Variants in ARL15 observed in about 807,000 individuals in gnomAD.
ARL15 encodes ARF like GTPase 15, also known as ADP-ribosylation factor-like protein 15.
A neutral mutation model predicts 25.2 loss-of-function variants in ARL15; 19 were observed. That is an observed-to-expected ratio of 0.75 (90% CI 0.53 to 1.10). The LOEUF is 1.10. ARL15 is among the 50% of genes least tolerant of loss of function. The pLI, the probability that ARL15 is intolerant of heterozygous loss-of-function variation, is 0.00. For synonymous variants in ARL15, 94 were observed against 86.8 expected, an observed-to-expected ratio of 1.08 and a Z score of -0.46; for missense variants, 220 against 246.0, an observed-to-expected ratio of 0.89 and a Z score of 0.71.
rs543691648 is a variant in ARL15 at position 54,224,692 on chromosome 5, G to A, written c.49-52764C>T. ...CCACCCCTTGAGAGTGGGAGTGGTGGGAAGGGAAGGGAGAGAATATTCATT... is the reference window on the plus strand; with the variant it reads ...CCACCCCTTGAGAGTGGGAGTGGTGAGAAGGGAAGGGAGAGAATATTCATT... On this transcript the variant is annotated intron_variant, in intron 1 of 4. Transcript: ENST00000504924. Among the ~76,000 whole-genome samples the A allele has an allele frequency of 5.3e-5, 8 of 152,218 alleles. No individual in the cohort carries two copies. The East Asian group carries it at 1.5e-3, about 29-fold the overall frequency.
intron 4 of ARL15, among the ~76,000 whole-genome samples, chr5:54,033,851 T>C (rs1456845798): frequency 6.6e-6 from 1 of 152,182 alleles, no homozygotes; most frequent in Non-Finnish European, 1.5e-5. Flanking sequence ...TCTCGCTTTG[T>C]CGCCCAGGCT....
At chr5:54,281,202 C>T (rs1366910175) in intron 1 of ARL15, among the ~76,000 whole-genome samples, 1 of 151,998 alleles carries the variant, frequency 6.6e-6, no homozygotes, top group Non-Finnish European at 1.5e-5. Flanking sequence ...TGCAGTGGTA[C>T]GATCTCGGCT....
intron 4 of ARL15, among the ~76,000 whole-genome samples, chr5:53,925,048 C>T (rs1019766697): frequency 1.4e-5 from 2 of 141,610 alleles, no homozygotes; most frequent in African/African-American, 5.6e-5. Context: ...CTGTTTCCTC[C>T]CAAGCTTCAA....
chr5:54,025,257 T>C (rs138502793), intron 4 of ARL15, among the ~76,000 whole-genome samples: 143 of 138,460 alleles, frequency 1.0e-3, no homozygotes, highest in East Asian at 6.0e-3. Flanking sequence ...AATACACACA[T>C]ATGATATGAT....
chr5:54,175,112 T>C (rs1754827617), intron 1 of ARL15, among the ~76,000 whole-genome samples: 1 of 152,210 alleles, frequency 6.6e-6, no homozygotes, highest in South Asian at 2.1e-4. Flanking sequence ...GAGCATCCGG[T>C]TTAAATTATT....
intron 3 of ARL15, among the ~76,000 whole-genome samples, chr5:54,153,546 T>A (rs1579852942): frequency 6.6e-6 from 1 of 152,304 alleles, no homozygotes; most frequent in Non-Finnish European, 1.5e-5. Context: ...GGAGTCAAAA[T>A]GACAAAACCA....
intron 4 of ARL15, among the ~76,000 whole-genome samples, chr5:54,038,881 T>C (rs900706524): frequency 1.2e-4 from 18 of 152,208 alleles, no homozygotes; most frequent in Non-Finnish European, 2.5e-4. Flanking sequence ...TTCATTATAT[T>C]GACACAAAAG....
At chr5:53,973,696 G>A (rs971781576) in intron 4 of ARL15, among the ~76,000 whole-genome samples, 17 of 151,736 alleles carry the variant, frequency 1.1e-4, no homozygotes, top group African/African-American at 3.1e-4. Context: ...CCATGATTGC[G>A]CCACTGTACT....
chr5:54,145,620 G>A (rs1753883170), intron 3 of ARL15, among the ~76,000 whole-genome samples: 2 of 152,144 alleles, frequency 1.3e-5, no homozygotes, highest in Admixed American at 6.5e-5. Flanking sequence ...GTGTGTGTGT[G>A]TGTGTGCGTG....
At chr5:53,966,064 T>A (rs1487796756) in intron 4 of ARL15, among the ~76,000 whole-genome samples, 1 of 152,182 alleles carries the variant, frequency 6.6e-6, no homozygotes. Context: ...TATACTAATG[T>A]TGACTGCTAA....
At chr5:53,976,433 G>A (rs553399412) in intron 4 of ARL15, among the ~76,000 whole-genome samples, 1 of 152,198 alleles carries the variant, frequency 6.6e-6, no homozygotes, top group African/African-American at 2.4e-5. Context: ...TGCATAGAGC[G>A]TCTTCTATGC....
Position 54,226,654 on chromosome 5 carries a change from AAG to A in ARL15, c.49-54728_49-54727del, listed in dbSNP as rs571634653. Among the ~76,000 whole-genome samples the A allele has an allele frequency of 1.7e-3, 145 of 84,032 alleles. 1 individual carries two copies. The highest frequency in any genetic ancestry group is 5.2e-3 in the African/African-American group (141 of 26,964). The allele number at this position is 84,032 out of a possible 152,430, so 55.1% of individuals were successfully genotyped here. A position where few individuals can be genotyped will look rare whatever the true frequency, so the allele number is the denominator to read the frequency against. On this transcript the variant is annotated intron_variant, in intron 1 of 4. Coordinates refer to ENST00000504924, the MANE Select transcript of ARL15 (RefSeq NM_019087.3). ...AGAAATAATGCCTTGCTTTTAGTCT[AAG>A]TTATTAAAAAAAATGAGTAAAACCT... is the stretch of plus-strand genomic sequence containing the variant.
At chr5:54,119,415 C>T (rs62370404) in intron 3 of ARL15, among the ~76,000 whole-genome samples, 2,593 of 151,704 alleles carry the variant, frequency 0.017, 35 homozygotes, top group Non-Finnish European at 0.024. Context: ...CTAGCCGTAC[C>T]GAGCCAAAAA....
At chr5:54,008,685 A>G (rs1278749078) in intron 4 of ARL15, among the ~76,000 whole-genome samples, 1 of 152,234 alleles carries the variant, frequency 6.6e-6, no homozygotes, top group East Asian at 1.9e-4. Context: ...CTACTCTGTC[A>G]TGTGAACAAG....
At chr5:54,273,367 T>C (rs368110750) in intron 1 of ARL15, among the ~76,000 whole-genome samples, 1 of 152,246 alleles carries the variant, frequency 6.6e-6, no homozygotes, top group Admixed American at 6.5e-5. Context: ...GTGTCACCTA[T>C]GGAATATTCC....
At chr5:54,098,349 C>G (rs1013925174) in intron 4 of ARL15, among the ~76,000 whole-genome samples, 1 of 152,124 alleles carries the variant, frequency 6.6e-6, no homozygotes, top group African/African-American at 2.4e-5. Flanking sequence ...GTCTTTTTCA[C>G]ACCGTTCGAT....
At chr5:53,949,859 G>A (rs566857344) in intron 4 of ARL15, among the ~76,000 whole-genome samples, 2 of 152,140 alleles carry the variant, frequency 1.3e-5, no homozygotes, top group Non-Finnish European at 2.9e-5. Context: ...CGTATGTGAA[G>A]AGTGAAAAAA....
chr5:53,888,559 C>T (rs1236467783), intron 4 of ARL15, among the ~76,000 whole-genome samples: 1 of 152,160 alleles, frequency 6.6e-6, no homozygotes, highest in African/African-American at 2.4e-5. Flanking sequence ...GTTGGGATTA[C>T]AGGCGTGAGC....
At chr5:54,233,327 C>T (rs770873759) in intron 1 of ARL15, among the ~76,000 whole-genome samples, 6 of 152,138 alleles carry the variant, frequency 3.9e-5, no homozygotes, top group Non-Finnish European at 7.3e-5. Flanking sequence ...ATTATTCGAA[C>T]TTGGGTATTT....
Sources: gnomAD v4.1 joint callset for allele counts (sites outside exome capture counted in the v4.1 genomes callset) on GRCh38, gnomAD v4.1.1 for gene constraint, MANE v1.5 for transcripts, NCBI Gene and HGNC (gene_info 2026-07-23, HGNC 2026-07-21) for gene names.